Variants in RSPH14 observed in about 807,000 individuals in gnomAD.
RSPH14 encodes rhabdoid tumor deletion region gene 1.
A neutral mutation model predicts 26.7 loss-of-function variants in RSPH14; 20 were observed. The ratio of observed to expected loss-of-function variants is 0.75; its 90% confidence interval spans 0.53 to 1.09. The LOEUF (loss-of-function observed/expected upper bound fraction) is 1.09, where lower values mean the gene tolerates loss of function less well. RSPH14 is among the 50% of genes least tolerant of loss of function. RSPH14 has a pLI of 0.00. For missense variants in RSPH14, 449 were observed against 457.2 expected (o/e 0.98, Z 0.16); for synonymous variants, 177 against 189.3 (o/e 0.93, Z 0.53).
intron 4 of RSPH14, among the ~76,000 whole-genome samples, chr22:23,107,128 T>C (rs757210037): frequency 3.5e-4 from 54 of 152,246 alleles, no homozygotes; most frequent in Non-Finnish European, 1.3e-4. Context: ...CCCTTGCTGT[T>C]TGAGGTGCCA....
chr22:23,145,563 C>T (rs1422922516), upstream of RSPH14: 14 of 1,596,388 alleles, frequency 8.8e-6, no homozygotes, highest in Middle Eastern at 2.3e-4. Flanking sequence ...TGAGTCAGCT[C>T]GCCCACTCTG....
upstream of RSPH14, among the ~76,000 whole-genome samples, chr22:23,142,958 G>A (rs1021342850): frequency 6.6e-5 from 10 of 152,160 alleles, no homozygotes; most frequent in African/African-American, 1.7e-4. Context: ...AAGCCTGAGC[G>A]CTCTGTAACA....
chr22:23,159,390 A>G, the RSPH14 span: 1 of 839,732 alleles, frequency 1.2e-6, no homozygotes, highest in African/African-American at 1.7e-5. Flanking sequence ...CTGGCATCAC[A>G]GCCCTGCTGT....
chr22:23,172,136 A>G, the RSPH14 span, among the ~76,000 whole-genome samples: 3 of 152,218 alleles, frequency 2.0e-5, no homozygotes, highest in South Asian at 6.2e-4. Context: ...CACTTAGCAT[A>G]ATGTTTTCAA....
the RSPH14 span, among the ~76,000 whole-genome samples, chr22:23,176,752 C>T: frequency 3.9e-5 from 6 of 152,284 alleles, no homozygotes; most frequent in Middle Eastern, 3.4e-3. Flanking sequence ...AAACAATTGC[C>T]ACAATCCCCA....
At chr22:23,167,313 C>A in the RSPH14 span, among the ~76,000 whole-genome samples, 1 of 152,230 alleles carries the variant, frequency 6.6e-6, no homozygotes, top group East Asian at 1.9e-4. Context: ...CCCTTCACTG[C>A]CGCTCCCTGC....
At chr22:23,061,785 C>A in intron 6 of RSPH14, 24 bp downstream of exon 6, 1 of 1,613,468 alleles carries the variant, frequency 6.2e-7, no homozygotes, top group South Asian at 1.1e-5. Context: ...GTCTCCCTCC[C>A]TGCGGCACCC....
chr22:23,061,847 G>C lies in RSPH14; in HGVS notation c.752C>G (p.Ala251Gly). 6.2e-7 allele frequency: 1 copy of C among 1,614,172 alleles called. No individual in the cohort carries two copies. The highest frequency in any genetic ancestry group is 8.5e-7 in the Non-Finnish European group (1 of 1,180,032). Residue 251 changes from alanine (A) to glycine (G), a missense_variant, in exon 6 of 7, where the codon GCT becomes GGT. By Grantham distance (60) the Ala-to-Gly change is moderately conservative. Transcript: ENST00000216036. ...KDPVEHVKSN[A>G]AGALMFATVI... ...TGTGGCGAACATCAGGGCACCGGCA[G>C]CGTTAGACTTCACATGCTCCACTGG...
intron 4 of RSPH14, chr22:23,095,488 G>A (rs905193219): frequency 3.8e-5 from 22 of 582,894 alleles, no homozygotes; most frequent in East Asian, 2.0e-4. Flanking sequence ...GGGGAGGGGC[G>A]GCCACCGCCC....
intron 4 of RSPH14, among the ~76,000 whole-genome samples, chr22:23,132,485 C>A (rs2070376064): frequency 6.6e-6 from 1 of 152,124 alleles, no homozygotes. Flanking sequence ...TGGGACGGGC[C>A]TTCTTTATCC....
chr22:23,119,443 C>A (rs964971275), intron 4 of RSPH14, among the ~76,000 whole-genome samples: 6 of 152,228 alleles, frequency 3.9e-5, no homozygotes, highest in African/African-American at 1.4e-4. Context: ...TCTGTCTTGT[C>A]CCCCATCTCT....
At chr22:23,159,219 G>A in the RSPH14 span, 1 of 1,605,412 alleles carries the variant, frequency 6.2e-7, no homozygotes, top group South Asian at 1.1e-5. Flanking sequence ...CCAGGGAGAT[G>A]CAGGCCGAGT....
chr22:23,152,370 C>T, the RSPH14 span: 2 of 1,349,610 alleles, frequency 1.5e-6, no homozygotes, highest in East Asian at 2.3e-5. Flanking sequence ...GGTGTCTCAC[C>T]AGCAGAGAGC....
intron 4 of RSPH14, among the ~76,000 whole-genome samples, chr22:23,122,134 C>T (rs2070048309): frequency 6.6e-6 from 1 of 152,160 alleles, no homozygotes; most frequent in Non-Finnish European, 1.5e-5. Flanking sequence ...TAGCTTTTGC[C>T]AGCAGCAAAT....
At chr22:23,089,911 G>A (rs375343410) in intron 4 of RSPH14, among the ~76,000 whole-genome samples, 41 of 152,274 alleles carry the variant, frequency 2.7e-4, no homozygotes, top group African/African-American at 9.9e-4. Context: ...GAGGAGGCAG[G>A]CAGGTGCAGA....
chr22:23,119,037 G>A (rs2069933192), intron 4 of RSPH14, among the ~76,000 whole-genome samples: 1 of 152,248 alleles, frequency 6.6e-6, no homozygotes, highest in Non-Finnish European at 1.5e-5. Context: ...GAGGCCAGCA[G>A]AAGGCATGCT....
At chr22:23,180,312 C>T in the RSPH14 span, 1 of 178,198 alleles carries the variant, frequency 5.6e-6, no homozygotes, top group Non-Finnish European at 1.2e-5. Flanking sequence ...CTGCGAGTTG[C>T]ACAGTCCAAT....
chr22:23,073,195 G>A (rs2068422232), intron 4 of RSPH14, among the ~76,000 whole-genome samples: 1 of 152,214 alleles, frequency 6.6e-6, no homozygotes, highest in African/African-American at 2.4e-5. Context: ...CACACTGGAG[G>A]AGGCAGGTCA....
intron 4 of RSPH14, among the ~76,000 whole-genome samples, chr22:23,092,804 C>A (rs1477445943): frequency 2.0e-5 from 3 of 152,222 alleles, no homozygotes; most frequent in Non-Finnish European, 4.4e-5. Flanking sequence ...AGCTTCTCTG[C>A]CCACCACTGG....
Sources: allele counts gnomAD v4.1 joint callset (sites outside exome capture counted in the v4.1 genomes callset), GRCh38; gene constraint gnomAD v4.1.1; transcripts MANE v1.5; gene names NCBI Gene and HGNC (gene_info 2026-07-23, HGNC 2026-07-21).